RGS7BP: variants seen among roughly 807,000 people sequenced by gnomAD.
RGS7BP encodes regulator of G protein signaling 7-binding protein.
In RGS7BP, 9 loss-of-function variants were observed where a neutral mutation model predicts 31.3. The ratio of observed to expected loss-of-function variants is 0.29; its 90% CI spans 0.17 to 0.50. The LOEUF is 0.50. Ranked by LOEUF, RGS7BP falls within the 20% of genes least tolerant of loss-of-function variation. The probability of loss-of-function intolerance (pLI) is 0.98; values close to 1 mark genes in which losing one functional copy is unlikely to be tolerated. For synonymous variants in RGS7BP, 115 were observed against 120.1 expected, an observed-to-expected ratio of 0.96 and a Z score of 0.28; for missense variants, 274 against 322.0, an observed-to-expected ratio of 0.85 and a Z score of 1.14.
At chr5:64,555,072 TA>T (rs1741888979) in intron 2 of RGS7BP, among the ~76,000 whole-genome samples, 1 of 152,024 alleles carries the variant, frequency 6.6e-6, no homozygotes, top group Non-Finnish European at 1.5e-5. Context: ...AACATATTTC[TA>T]ATAAGAGTTT....
At chr5:64,557,697 G>A (rs572665169) in intron 2 of RGS7BP, among the ~76,000 whole-genome samples, 1 of 152,110 alleles carries the variant, frequency 6.6e-6, no homozygotes, top group Non-Finnish European at 1.5e-5. Flanking sequence ...TTTAGGACAG[G>A]AGGCAGAAAG....
intron 2 of RGS7BP, among the ~76,000 whole-genome samples, chr5:64,523,752 C>A (rs1031914298): frequency 2.0e-5 from 3 of 152,094 alleles, no homozygotes; most frequent in Admixed American, 6.5e-5. Context: ...TTTTAATTAG[C>A]CTTAGGAACA....
At chr5:64,546,340 C>G (rs922648931) in intron 2 of RGS7BP, among the ~76,000 whole-genome samples, 6 of 151,926 alleles carry the variant, frequency 3.9e-5, no homozygotes, top group Non-Finnish European at 7.4e-5. Flanking sequence ...AGATAAGACC[C>G]TGGAGACCAA....
intron 5 of RGS7BP, among the ~76,000 whole-genome samples, chr5:64,600,209 A>G (rs1469675284): frequency 1.3e-5 from 2 of 152,122 alleles, no homozygotes; most frequent in Non-Finnish European, 2.9e-5. Flanking sequence ...CATCAGTAGC[A>G]CGCTGGCCTC....
chr5:64,606,051 G>C (rs936215306), intron 5 of RGS7BP, among the ~76,000 whole-genome samples: 2 of 149,036 alleles, frequency 1.3e-5, no homozygotes, highest in Admixed American at 6.7e-5. Flanking sequence ...GAGAGAGAGA[G>C]AGAGAGAGAA....
At chr5:64,515,763 T>C (rs1327974172) in intron 2 of RGS7BP, among the ~76,000 whole-genome samples, 4 of 151,482 alleles carry the variant, frequency 2.6e-5, no homozygotes, top group Non-Finnish European at 5.9e-5. Flanking sequence ...AGTAAACTTA[T>C]TTGTGAGATT....
chr5:64,576,007 A>AT, intron 3 of RGS7BP, 103 bp downstream of exon 3: 1 of 961,952 alleles, frequency 1.0e-6, no homozygotes, highest in Non-Finnish European at 1.5e-6. Context: ...ATCTATATGC[A>AT]ATTACGATGA....
chr5:64,514,640 T>C (rs1287198292), intron 2 of RGS7BP, among the ~76,000 whole-genome samples: 1 of 152,162 alleles, frequency 6.6e-6, no homozygotes, highest in Non-Finnish European at 1.5e-5. Context: ...TTAATTATAT[T>C]ATAAAGGTAA....
intron 2 of RGS7BP, among the ~76,000 whole-genome samples, chr5:64,562,907 A>T (rs1742087260): frequency 6.6e-6 from 1 of 152,120 alleles, no homozygotes; most frequent in Non-Finnish European, 1.5e-5. Flanking sequence ...AAAGCCAGAT[A>T]ATGAGTAAAA....
chr5:64,567,929 G>T (rs928343447), intron 2 of RGS7BP, among the ~76,000 whole-genome samples: 2 of 151,994 alleles, frequency 1.3e-5, no homozygotes, highest in African/African-American at 4.8e-5. Flanking sequence ...CCTTTGAAGA[G>T]CATTGATATC....
intron 2 of RGS7BP, among the ~76,000 whole-genome samples, chr5:64,510,470 T>C (rs1748804734): frequency 6.6e-6 from 1 of 152,196 alleles, no homozygotes; most frequent in Non-Finnish European, 1.5e-5. Context: ...ATTCCATTCA[T>C]GTGAAATGCC....
intron 2 of RGS7BP, among the ~76,000 whole-genome samples, chr5:64,560,385 C>T (rs374165961): frequency 1.1e-4 from 17 of 152,132 alleles, no homozygotes; most frequent in Admixed American, 5.9e-4. Context: ...GATTCTGATG[C>T]ACATTAAAGT....
chr5:64,568,600 T>G (rs1742225483), intron 2 of RGS7BP, among the ~76,000 whole-genome samples: 1 of 152,062 alleles, frequency 6.6e-6, no homozygotes, highest in African/African-American at 2.4e-5. Flanking sequence ...ACCAATGCCC[T>G]GAGAAATGCC....
chr5:64,583,728 A>G (rs1487902943), intron 3 of RGS7BP, among the ~76,000 whole-genome samples: 1 of 152,230 alleles, frequency 6.6e-6, no homozygotes, highest in Non-Finnish European at 1.5e-5. Flanking sequence ...CGTATTACCA[A>G]TGACCAGAAT....
intron 2 of RGS7BP, among the ~76,000 whole-genome samples, chr5:64,574,009 A>G (rs994550086): frequency 1.3e-5 from 2 of 152,196 alleles, no homozygotes; most frequent in African/African-American, 4.8e-5. Context: ...GAAAATAGGC[A>G]GCTGATGTTG....
chr5:64,552,925 T>C (rs1298924380), intron 2 of RGS7BP, among the ~76,000 whole-genome samples: 1 of 152,158 alleles, frequency 6.6e-6, no homozygotes, highest in African/African-American at 2.4e-5. Flanking sequence ...CACAGTCTTG[T>C]GCTGTCCAAA....
intron 2 of RGS7BP, among the ~76,000 whole-genome samples, chr5:64,526,932 C>A (rs917537379): frequency 6.6e-6 from 1 of 152,196 alleles, no homozygotes; most frequent in Non-Finnish European, 1.5e-5. Flanking sequence ...CCCTCTACCA[C>A]CTGTAAAGCA....
chr5:64,552,766 A>G (rs1241988462), intron 2 of RGS7BP, among the ~76,000 whole-genome samples: 1 of 152,176 alleles, frequency 6.6e-6, no homozygotes, highest in Non-Finnish European at 1.5e-5. Context: ...TGTTTGAGAC[A>G]GGGTCTTGCT....
At chr5:64,547,556 T>C (rs1198354873) in intron 2 of RGS7BP, among the ~76,000 whole-genome samples, 1 of 152,134 alleles carries the variant, frequency 6.6e-6, no homozygotes, top group Non-Finnish European at 1.5e-5. Context: ...AAACCTAATA[T>C]TAAAAACATG....
Sources: allele counts gnomAD v4.1 joint callset (sites outside exome capture counted in the v4.1 genomes callset), GRCh38; gene constraint gnomAD v4.1.1; transcripts MANE v1.5; gene names NCBI Gene and HGNC (gene_info 2026-07-23, HGNC 2026-07-21).